Variants in AP3B1 observed in about 807,000 individuals in gnomAD.
AP3B1 encodes adaptor related protein complex 3 subunit beta 1.
Under a neutral mutation model 132.5 loss-of-function variants are expected in AP3B1, and 61 were observed. The ratio of observed to expected loss-of-function variants is 0.46; its 90% CI spans 0.37 to 0.57. The LOEUF is 0.57. AP3B1 is among the 20% of genes least tolerant of loss of function. The pLI is 0.00. For missense variants in AP3B1, 1,120 were observed against 1,289.4 expected, an observed-to-expected ratio of 0.87 and a Z score of 2.01; for synonymous variants, 388 against 438.3, an observed-to-expected ratio of 0.89 and a Z score of 1.43.
chr5:78,083,006 G>A (rs561655718), intron 22 of AP3B1, among the ~76,000 whole-genome samples: 12 of 152,056 alleles, frequency 7.9e-5, no homozygotes, highest in African/African-American at 2.7e-4. Context: ...TAGTAGAAAC[G>A]GGGTTTCACC....
At chr5:78,267,625 T>C (rs760114964) in intron 1 of AP3B1, 30 bp from the exon 2 acceptor site, 1 of 1,358,084 alleles carries the variant, frequency 7.4e-7, no homozygotes, top group Non-Finnish European at 1.0e-6. Context: ...AAAAAATCCA[T>C]ACTTTGATTT....
At chr5:78,145,113 CAT>C (rs1406738176) in intron 14 of AP3B1, among the ~76,000 whole-genome samples, 1 of 152,162 alleles carries the variant, frequency 6.6e-6, no homozygotes, top group Non-Finnish European at 1.5e-5. Flanking sequence ...GTATTACAGA[CAT>C]AAATCTATTT....
intron 3 of AP3B1, among the ~76,000 whole-genome samples, chr5:78,238,483 T>C (rs371207992): frequency 6.6e-6 from 1 of 152,190 alleles, no homozygotes; most frequent in African/African-American, 2.4e-5. Flanking sequence ...TCCACAGTAC[T>C]GGTCCCTGGT....
rs1021425049 is a variant in AP3B1, at chr5:78,259,636, A to G, written c.204+7884T>C. ...TATTAAAACATCTCATGTACCCCCA[A>G]AATACATACACCTACTATGTGCCCA... On this transcript the variant is annotated intron_variant, in intron 2 of 26. Coordinates refer to ENST00000255194, the MANE Select transcript of AP3B1 (RefSeq NM_003664.5). Among the ~76,000 whole-genome samples, 31 of 152,182 alleles carry G rather than the reference A, an allele frequency of 2.0e-4. 1 individual carries two copies. Among genetic ancestry groups the G allele is most frequent in the Non-Finnish European group, 4.3e-4 (29 of 68,032 alleles).
chr5:78,023,467 G>GAA (rs1554058248), intron 24 of AP3B1, among the ~76,000 whole-genome samples: 1 of 151,038 alleles, frequency 6.6e-6, no homozygotes, highest in Admixed American at 6.6e-5. Flanking sequence ...GAAAAGAAAA[G>GAA]AAAAAAGAAA....
At chr5:78,218,703 T>A (rs911388095) in intron 6 of AP3B1, among the ~76,000 whole-genome samples, 1 of 152,166 alleles carries the variant, frequency 6.6e-6, no homozygotes, top group Non-Finnish European at 1.5e-5. Context: ...TTTCCTTGCA[T>A]CTATTTTGTC....
chr5:78,098,340 A>G (rs1750987408), intron 21 of AP3B1, among the ~76,000 whole-genome samples: 1 of 151,814 alleles, frequency 6.6e-6, no homozygotes, highest in South Asian at 2.1e-4. Context: ...ATATAAAAAT[A>G]TACTTTTTTA....
At chr5:78,115,910 C>A in intron 18 of AP3B1, 1 of 554,784 alleles carries the variant, frequency 1.8e-6, no homozygotes, top group South Asian at 1.8e-5. Context: ...AATGTATCAG[C>A]TACTATCCAA....
At chr5:78,248,105 A>G (rs1747454159) in intron 2 of AP3B1, among the ~76,000 whole-genome samples, 1 of 152,194 alleles carries the variant, frequency 6.6e-6, no homozygotes, top group African/African-American at 2.4e-5. Context: ...TATCAGATAC[A>G]TAGGTAGATA....
intron 1 of AP3B1, among the ~76,000 whole-genome samples, chr5:78,270,344 C>T (rs1429010935): frequency 6.6e-6 from 1 of 152,146 alleles, no homozygotes; most frequent in African/African-American, 2.4e-5. Context: ...AAGTTACCTT[C>T]TTTTTCCTCA....
intron 22 of AP3B1, among the ~76,000 whole-genome samples, chr5:78,064,223 TTAGA>T (rs148477283): frequency 0.08 from 12,017 of 150,816 alleles, 1,485 homozygotes; most frequent in African/African-American, 0.26. Flanking sequence ...CATAATATGC[TTAGA>T]TATACAGTAT....
chr5:78,080,448 ATTTTCTTTTTTTTTTTTCT>A (rs966917238), intron 22 of AP3B1, among the ~76,000 whole-genome samples: 2 of 141,860 alleles, frequency 1.4e-5, no homozygotes, highest in African/African-American at 2.6e-5. Context: ...GTAGTTTCCA[ATTTTCTTTTTTTTTTTTCT>A]TTTTCTTTTT....
At chr5:78,228,875 T>C (rs1021628056) in intron 3 of AP3B1, among the ~76,000 whole-genome samples, 2 of 152,248 alleles carry the variant, frequency 1.3e-5, no homozygotes, top group Non-Finnish European at 1.5e-5. Context: ...TGAATACCAA[T>C]TTAACGTAAT....
At chr5:78,022,170 T>G (rs1289042193) in intron 24 of AP3B1, among the ~76,000 whole-genome samples, 4 of 152,210 alleles carry the variant, frequency 2.6e-5, no homozygotes, top group Non-Finnish European at 5.9e-5. Context: ...TAAATCCAAT[T>G]TATTTATCAA....
intron 2 of AP3B1, among the ~76,000 whole-genome samples, chr5:78,259,204 T>C (rs968121857): frequency 4.0e-5 from 6 of 149,674 alleles, no homozygotes; most frequent in African/African-American, 1.5e-4. Context: ...GCTGAGATCG[T>C]GCCACTGCAC....
At chr5:78,242,509 C>T (rs540467057) in intron 2 of AP3B1, among the ~76,000 whole-genome samples, 9 of 152,130 alleles carry the variant, frequency 5.9e-5, no homozygotes, top group Non-Finnish European at 1.0e-4. Flanking sequence ...CGGGTTCGAG[C>T]GATTCTCCTG....
chr5:78,273,479 C>A (rs1432882351), intron 1 of AP3B1, among the ~76,000 whole-genome samples: 2 of 152,106 alleles, frequency 1.3e-5, no homozygotes, highest in African/African-American at 2.4e-5. Context: ...TGTGGGAGAA[C>A]AGAACCCAAG....
chr5:78,123,566 A>G (rs976872381), intron 17 of AP3B1, among the ~76,000 whole-genome samples: 1 of 152,228 alleles, frequency 6.6e-6, no homozygotes, highest in African/African-American at 2.4e-5. Context: ...TCAAAAGAAG[A>G]CATTTATGCA....
rs77477574 is a variant in AP3B1, at chr5:78,105,878, C to T, written c.2397+4329G>A. ...CTGAATGTGTGACTATAGTTTTGTG[C>T]CTCGTGAATATGCTGGGGCATTTTA... On this transcript the variant is annotated intron_variant, in intron 20 of 26. Transcript: ENST00000255194. 9.4e-3 allele frequency among the ~76,000 whole-genome samples: 1,438 copies of T among 152,186 alleles called. 30 individuals carry two copies. The highest frequency in any genetic ancestry group is 0.033 in the African/African-American group (1,386 of 41,494).
Sources: gnomAD v4.1 joint callset for allele counts (sites outside exome capture counted in the v4.1 genomes callset) on GRCh38, gnomAD v4.1.1 for gene constraint, MANE v1.5 for transcripts, NCBI Gene and HGNC (gene_info 2026-07-23, HGNC 2026-07-21) for gene names.